The following SGCZ variants were observed in gnomAD, a reference collection of about 807,000 sequenced individuals.
SGCZ encodes zeta-sarcoglycan.
SGCZ carries 40 observed loss-of-function variants against 41.3 expected under a neutral mutation model. The observed-to-expected ratio is 0.97, with a 90% CI of 0.75 to 1.26. The LOEUF (loss-of-function observed/expected upper bound fraction) is 1.26, where lower values mean the gene tolerates loss of function less well. Ranked by LOEUF, SGCZ falls within the 50% of genes most tolerant of loss-of-function variation. SGCZ has a pLI of 0.00. For synonymous variants in SGCZ, 206 were observed against 137.5 expected, an observed-to-expected ratio of 1.50 and a Z score of -3.49; for missense variants, 552 against 369.8, an observed-to-expected ratio of 1.49 and a Z score of -4.04.
chr8:14,879,890 G>C (rs1804519949), intron 1 of SGCZ: 2 of 151,472 alleles, frequency 1.3e-5, no homozygotes, highest in East Asian at 3.9e-4. Context: ...GCCCAGGCTG[G>C]AGTGCAGTGG....
intron 2 of SGCZ, among the ~76,000 whole-genome samples, chr8:14,533,709 T>C (rs992509433): frequency 1.3e-5 from 2 of 152,142 alleles, no homozygotes; most frequent in Admixed American, 6.6e-5. Context: ...TTTTACATTA[T>C]AATTTCTGTA....
intron 1 of SGCZ, among the ~76,000 whole-genome samples, chr8:14,793,831 G>C (rs1409433255): frequency 1.3e-5 from 2 of 152,080 alleles, no homozygotes; most frequent in Admixed American, 1.3e-4. Flanking sequence ...TTTGAAAGAA[G>C]CTGAAATAGA....
chr8:14,890,310 G>T lies in SGCZ; in HGVS notation c.40-335384C>A, dbSNP rs115757233. Among the ~76,000 whole-genome samples, 304 of 152,110 alleles carry T rather than the reference G, an allele frequency of 2.0e-3. 1 individual carries two copies. Among genetic ancestry groups the T allele is most frequent in the African/African-American group, 7.0e-3 (290 of 41,502 alleles). On this transcript the variant is annotated intron_variant, in intron 1 of 7. Coordinates refer to ENST00000382080, the MANE Select transcript of SGCZ (RefSeq NM_139167.4). ...AAGGAAGGAAAGAAACGAAAGAAAA[G>T]AAAAAGTTCTTGAAGGAAATTAAAA...
chr8:14,744,209 G>A (rs968367451), intron 1 of SGCZ, among the ~76,000 whole-genome samples: 1 of 152,146 alleles, frequency 6.6e-6, no homozygotes, highest in Non-Finnish European at 1.5e-5. Flanking sequence ...AGAAACAGAG[G>A]CATTGTTTTC....
intron 1 of SGCZ, among the ~76,000 whole-genome samples, chr8:15,185,003 C>G (rs1045731188): frequency 5.9e-5 from 9 of 152,148 alleles, no homozygotes; most frequent in African/African-American, 1.9e-4. Flanking sequence ...CCTCAAGGCT[C>G]TCTTCATCTC....
At chr8:14,404,839 T>A (rs1045940065) in intron 2 of SGCZ, among the ~76,000 whole-genome samples, 1 of 152,202 alleles carries the variant, frequency 6.6e-6, no homozygotes, top group Admixed American at 6.5e-5. Flanking sequence ...TTCCAGTTAG[T>A]TCTGGCCAAT....
intron 2 of SGCZ, among the ~76,000 whole-genome samples, chr8:14,380,109 G>A (rs1487501952): frequency 6.6e-6 from 1 of 152,062 alleles, no homozygotes; most frequent in Admixed American, 6.6e-5. Context: ...TTTATCTTCT[G>A]TAAGCCAGTC....
chr8:14,739,246 T>C (rs1799132561), intron 1 of SGCZ, among the ~76,000 whole-genome samples: 1 of 151,942 alleles, frequency 6.6e-6, no homozygotes, highest in Non-Finnish European at 1.5e-5. Flanking sequence ...AAATACAGCA[T>C]CTGCATATAA....
intron 3 of SGCZ, among the ~76,000 whole-genome samples, chr8:14,279,166 G>C (rs985392061): frequency 6.6e-6 from 1 of 151,912 alleles, no homozygotes; most frequent in Admixed American, 6.6e-5. Flanking sequence ...TTATTAAGAA[G>C]CTCAATAGGT....
At chr8:14,301,196 T>C (rs1801174371) in intron 3 of SGCZ, among the ~76,000 whole-genome samples, 4 of 152,008 alleles carry the variant, frequency 2.6e-5, no homozygotes, top group Admixed American at 2.6e-4. Flanking sequence ...CAACCTTCCT[T>C]GTTGAGATTT....
chr8:14,578,112 G>T (rs979682357), intron 1 of SGCZ, among the ~76,000 whole-genome samples: 12 of 152,152 alleles, frequency 7.9e-5, no homozygotes, highest in Non-Finnish European at 1.8e-4. Context: ...TCAAAGTTGG[G>T]TGAAGGCAGA....
intron 1 of SGCZ, among the ~76,000 whole-genome samples, chr8:14,677,125 T>C (rs1188758304): frequency 6.6e-6 from 1 of 151,814 alleles, no homozygotes; most frequent in Non-Finnish European, 1.5e-5. Context: ...AGCAAGGTGA[T>C]GCAACATTAA....
chr8:14,375,738 A>G (rs1192815542), intron 2 of SGCZ, among the ~76,000 whole-genome samples: 1 of 152,212 alleles, frequency 6.6e-6, no homozygotes, highest in African/African-American at 2.4e-5. Context: ...AATAAAGTTT[A>G]TAGCCTTCAG....
At chr8:14,458,190 A>G (rs1432815002) in intron 2 of SGCZ, among the ~76,000 whole-genome samples, 1 of 152,178 alleles carries the variant, frequency 6.6e-6, no homozygotes, top group Non-Finnish European at 1.5e-5. Context: ...AATCAACCAC[A>G]ATGTGTGGGG....
intron 7 of SGCZ, among the ~76,000 whole-genome samples, chr8:14,094,712 C>T (rs1282132192): frequency 6.6e-6 from 1 of 151,062 alleles, no homozygotes; most frequent in Non-Finnish European, 1.5e-5. Context: ...AATCTCCGCA[C>T]TGTCTTCCAC....
intron 1 of SGCZ, among the ~76,000 whole-genome samples, chr8:14,644,903 C>A (rs1050366030): frequency 1.3e-5 from 2 of 150,610 alleles, no homozygotes; most frequent in East Asian, 3.9e-4. Context: ...CAGATGCCAA[C>A]CTCTTGACAG....
At chr8:14,796,372 G>T (rs1465191316) in intron 1 of SGCZ, among the ~76,000 whole-genome samples, 1 of 151,884 alleles carries the variant, frequency 6.6e-6, no homozygotes, top group Non-Finnish European at 1.5e-5. Flanking sequence ...TTCCACCTTG[G>T]CGTCTCAAGT....
At chr8:14,737,046 T>G (rs1047819020) in intron 1 of SGCZ, among the ~76,000 whole-genome samples, 1 of 149,756 alleles carries the variant, frequency 6.7e-6, no homozygotes, top group African/African-American at 2.4e-5. Context: ...ACCAGACATA[T>G]AGCTATATAT....
intron 2 of SGCZ, among the ~76,000 whole-genome samples, chr8:14,351,212 T>G (rs767144912): frequency 3.3e-5 from 5 of 152,170 alleles, no homozygotes; most frequent in Non-Finnish European, 5.9e-5. Context: ...TTACCGGTAT[T>G]GTAAGATAAG....
Sources: allele counts gnomAD v4.1 joint callset (sites outside exome capture counted in the v4.1 genomes callset), GRCh38; gene constraint gnomAD v4.1.1; transcripts MANE v1.5; gene names NCBI Gene and HGNC (gene_info 2026-07-23, HGNC 2026-07-21).